Variants in FBLN1 observed in about 807,000 individuals in gnomAD.
The protein encoded by FBLN1 is fibulin 1.
In FBLN1, 34 loss-of-function variants were observed where a neutral mutation model predicts 89.7. The observed-to-expected ratio is 0.38, with a 90% CI of 0.29 to 0.50. The LOEUF is 0.50. FBLN1 is among the 20% of genes least tolerant of loss of function. FBLN1 has a pLI of 0.92. For missense variants in FBLN1, 777 were observed against 988.1 expected (o/e 0.79, Z 2.86); for synonymous variants, 393 against 391.3 (o/e 1.00, Z -0.05).
intron 1 of FBLN1, among the ~76,000 whole-genome samples, chr22:45,512,056 TC>T (rs1366171114): frequency 2.0e-5 from 3 of 151,870 alleles, no homozygotes; most frequent in Non-Finnish European, 4.4e-5. Flanking sequence ...TCTCTCTTGA[TC>T]CCCCACAGCC....
At chr22:45,515,421 C>T (rs937290284) in intron 1 of FBLN1, among the ~76,000 whole-genome samples, 11 of 152,194 alleles carry the variant, frequency 7.2e-5, no homozygotes, top group African/African-American at 2.4e-4. Flanking sequence ...TCTGAGTTTC[C>T]GGAAGACCAA....
rs770340922 is a variant in FBLN1 at position 45,574,671 on chromosome 22, G to C, written c.1840+18G>C. ...CCCTGAAGGTGAGTGGGATGGGTGT[G>C]GGGGTCCCAGGGCCCCCTAGGGCCT... On this transcript the variant is annotated intron_variant, in intron 15 of 16. Coordinates refer to ENST00000327858, the MANE Select transcript of FBLN1 (RefSeq NM_006486.3). This position sits in a 1 kb window ranked among gnomAD's most constrained non-coding sequence, Gnocchi z 4.1. 1 of 1,610,620 alleles carries C rather than the reference G, an allele frequency of 6.2e-7. No individual in the cohort carries two copies. The highest frequency in any genetic ancestry group is 1.1e-5 in the South Asian group (1 of 90,438).
At position 45,549,437 on chromosome 22, in the gene FBLN1, A is replaced by G. The variant is rs1441350760; in HGVS notation, c.1573+693A>G. 6.6e-6 allele frequency among the ~76,000 whole-genome samples: 1 copy of G among 152,172 alleles called. No homozygotes were observed. Among genetic ancestry groups the G allele is most frequent in the Non-Finnish European group, 1.5e-5 (1 of 68,022 alleles). On this transcript the variant is annotated intron_variant, in intron 13 of 16. Transcript: ENST00000327858. The surrounding 1 kb of genome is among the most constrained non-coding windows in gnomAD (Gnocchi z 5.7). ...GCTCTGGAAGCCCCCTGGGTCCCAC[A>G]GATGTAGCTTCTGGTCATGAGGAAG... is the stretch of plus-strand genomic sequence containing the variant.
chr22:45,542,901 C>T lies in FBLN1; in HGVS notation c.1196-500C>T, dbSNP rs139452250. ...AGGCTCGCCCACCAGGCAGGCACAG[C>T]GCGGCAGTCCCGGCTCTCCCACTGA... On this transcript the variant is annotated intron_variant, in intron 10 of 16. Transcript: ENST00000327858. 9.2e-3 allele frequency among the ~76,000 whole-genome samples: 1,408 copies of T among 152,336 alleles called. 17 individuals are homozygous for T. The highest frequency in any genetic ancestry group is 0.016 in the Non-Finnish European group (1,074 of 68,030).
chr22:45,564,659 T>C (rs769177916), intron 14 of FBLN1, among the ~76,000 whole-genome samples: 12 of 152,254 alleles, frequency 7.9e-5, no homozygotes, highest in Non-Finnish European at 1.3e-4. Context: ...CTGCGGTTCC[T>C]GTTGACTCGC....
chr22:45,571,874 T>C (rs558094205), intron 14 of FBLN1, among the ~76,000 whole-genome samples: 1 of 152,210 alleles, frequency 6.6e-6, no homozygotes, highest in East Asian at 1.9e-4. Context: ...CTCACACCTA[T>C]AATCCCAGCA....
chr22:45,549,462 G>T lies in FBLN1; in HGVS notation c.1573+718G>T, dbSNP rs1021352768. Among the ~76,000 whole-genome samples the T allele has an allele frequency of 4.6e-4, 70 of 152,290 alleles. No homozygotes were observed. The highest frequency in any genetic ancestry group is 3.4e-3 in the Middle Eastern group (1 of 294). The stretch of plus-strand genomic sequence containing the variant: ...AGATGTAGCTTCTGGTCATGAGGAA[G>T]GTGACTTTGATGAAAGGCAGGCAGG... On this transcript the variant is annotated intron_variant, in intron 13 of 16. Coordinates refer to ENST00000327858, the MANE Select transcript of FBLN1 (RefSeq NM_006486.3). This position sits in a 1 kb window ranked among gnomAD's most constrained non-coding sequence, Gnocchi z 5.7.
At position 45,503,271 on chromosome 22, in the gene FBLN1, T is replaced by C. The variant is rs190399236; in HGVS notation, c.79+207T>C. ...ATCTCCTCCCCGGCCTGGGGACTTGTTTCAAAACCGGATTCCCCCACCCCT... is the reference window on the plus strand; with the variant it reads ...ATCTCCTCCCCGGCCTGGGGACTTGCTTCAAAACCGGATTCCCCCACCCCT... On this transcript the variant is annotated intron_variant, in intron 1 of 16. Coordinates refer to ENST00000327858, the MANE Select transcript of FBLN1 (RefSeq NM_006486.3). The C allele has an allele frequency of 2.3e-3, 715 of 312,384 alleles. 2 individuals are homozygous for C. Among genetic ancestry groups the C allele is most frequent in the African/African-American group, 0.015 (682 of 45,380 alleles). 19.4% of individuals were successfully genotyped at this position (312,384 alleles called of 1,614,324 possible).
At chr22:45,542,418 A>G (rs936769574) in intron 10 of FBLN1, 135 bp downstream of exon 10, 15 of 1,278,254 alleles carry the variant, frequency 1.2e-5, no homozygotes, top group Admixed American at 1.9e-5. Context: ...CTGAGAGAAG[A>G]TCCTGAGTCA....
intron 14 of FBLN1, chr22:45,565,852 G>A (rs570615327): frequency 2.6e-3 from 400 of 153,578 alleles, no homozygotes; most frequent in Non-Finnish European, 4.7e-3. Context: ...AGCTGAGGTC[G>A]GGAGTTTGAG....
At chr22:45,518,964 G>T (rs751982304) in intron 2 of FBLN1, among the ~76,000 whole-genome samples, 177 bp downstream of exon 2, 70 of 152,284 alleles carry the variant, frequency 4.6e-4, no homozygotes, top group Middle Eastern at 3.4e-3. Flanking sequence ...CACCGGCCTG[G>T]CACCGGGCCT....
Position 45,580,217 on chromosome 22 carries a change from G to T in FBLN1, c.1972+3109G>T, listed in dbSNP as rs2089031120. On this transcript the variant is annotated intron_variant, in intron 16 of 16. Coordinates refer to ENST00000327858, the MANE Select transcript of FBLN1 (RefSeq NM_006486.3). The surrounding 1 kb of genome is among the most constrained non-coding windows in gnomAD (Gnocchi z 8.6). ...GACTTAGGCAGAAACCCTTCATGGT[G>T]GTGGAGAGGAAGAAAGCGGCTTCCA... Among the ~76,000 whole-genome samples, 1 of 152,250 alleles carries T rather than the reference G, an allele frequency of 6.6e-6. No homozygotes were observed. Among genetic ancestry groups the T allele is most frequent in the East Asian group, 1.9e-4 (1 of 5,132 alleles).
At chr22:45,543,642 G>T in intron 11 of FBLN1, 116 bp downstream of exon 11, 1 of 1,334,490 alleles carries the variant, frequency 7.5e-7, no homozygotes, top group Non-Finnish European at 1.0e-6. Flanking sequence ...TAAATGACAT[G>T]TTAGCAGGGG....
intron 16 of FBLN1, among the ~76,000 whole-genome samples, chr22:45,584,448 C>T (rs1261635815): frequency 6.6e-6 from 1 of 152,086 alleles, no homozygotes; most frequent in African/African-American, 2.4e-5. Flanking sequence ...GTGAGTGGCC[C>T]CTTTTAGGCA....
At position 45,574,632 on chromosome 22, in the gene FBLN1, C is replaced by T. The variant is rs781487554; in HGVS notation, c.1819C>T (p.Arg607Cys). ...CACCGTCATCTCGCTGCCTACCTTC[C>T]GCGAGTTCACCCGCCCTGAAGGTGA... ...SHTVISLPTF[R>C]EFTRPEEIIF... The change falls in exon 15 of 17, where the codon CGC (arginine) becomes TGC (cysteine). Residue 607 changes from arginine to cysteine, a missense_variant. Coordinates refer to ENST00000327858, the MANE Select transcript of FBLN1 (RefSeq NM_006486.3). This position sits in a 1 kb window ranked among gnomAD's most constrained non-coding sequence, Gnocchi z 4.1. 10 of 1,613,950 alleles carry T rather than the reference C, an allele frequency of 6.2e-6. No individual in the cohort carries two copies. The highest frequency in any genetic ancestry group is 2.2e-5 in the South Asian group (2 of 91,060).
At chr22:45,596,104 T>C (rs878913723) in intron 16 of FBLN1, among the ~76,000 whole-genome samples, 95 of 152,246 alleles carry the variant, frequency 6.2e-4, no homozygotes, top group South Asian at 2.1e-3. Flanking sequence ...CTCCTGACCT[T>C]GTGATCCGCC....
chr22:45,564,494 C>T (rs1052201526), intron 14 of FBLN1, among the ~76,000 whole-genome samples: 3 of 152,238 alleles, frequency 2.0e-5, no homozygotes, highest in African/African-American at 4.8e-5. Flanking sequence ...CTGCTGCCTC[C>T]GGCCCTTGGT....
intron 1 of FBLN1, among the ~76,000 whole-genome samples, chr22:45,516,353 A>G (rs1411625530): frequency 2.0e-5 from 3 of 152,202 alleles, no homozygotes; most frequent in African/African-American, 4.8e-5. Flanking sequence ...CCTCGCTGTC[A>G]GGCCACATGG....
At chr22:45,544,091 CT>C (rs150488621) in intron 11 of FBLN1, among the ~76,000 whole-genome samples, 24,232 of 145,746 alleles carry the variant, frequency 0.17, 2,309 homozygotes, top group East Asian at 0.47. Context: ...CCTCTAACTT[CT>C]TTTTTTTTTT....
Sources: allele counts gnomAD v4.1 joint callset (sites outside exome capture counted in the v4.1 genomes callset), GRCh38; gene constraint gnomAD v4.1.1; non-coding constraint Gnocchi (gnomAD v3.1); transcripts MANE v1.5; gene names NCBI Gene and HGNC (gene_info 2026-07-23, HGNC 2026-07-21).